MACF1: variants seen among roughly 807,000 people sequenced by gnomAD.
The protein encoded by MACF1 is microtubule actin crosslinking factor 1.
In MACF1, 193 loss-of-function variants were observed where a neutral mutation model predicts 854.8. The observed-to-expected ratio is 0.23, with a 90% CI of 0.20 to 0.25. The LOEUF (loss-of-function observed/expected upper bound fraction) is 0.25, where lower values mean the gene tolerates loss of function less well. Among genes scored for constraint, MACF1 ranks in the 10% least tolerant of loss-of-function variants. The probability of loss-of-function intolerance (pLI) is 1.00; values close to 1 mark genes in which losing one functional copy is unlikely to be tolerated. For missense variants in MACF1, 7,722 were observed against 8,929.1 expected (o/e 0.86, Z 5.45); for synonymous variants, 3,185 against 3,226.7 (o/e 0.99, Z 0.44).
Position 39,411,261 on chromosome 1 carries a change from T to C in MACF1, c.15817-11113T>C, listed in dbSNP as rs767594475. ...ATGAGCGATGGATTATGATGGAGGC[T>C]GAGGGAGAGTGGGAGGAAGAGAAAC... On this transcript the variant is annotated intron_variant, in intron 58 of 100. Transcript: ENST00000564288. The C allele has an allele frequency of 2.5e-6, 4 of 1,613,902 alleles. No individual in the cohort carries two copies. The South Asian group carries it at 4.4e-5, about 18-fold the overall frequency.
chr1:39,256,389 G>A (rs1285399788), intron 5 of MACF1, among the ~76,000 whole-genome samples: 3 of 152,118 alleles, frequency 2.0e-5, no homozygotes, highest in Admixed American at 1.3e-4. Context: ...TACTCCCACC[G>A]TATAGAAGAG....
In MACF1 at chr1:39,180,181, G is replaced by GA. The variant is rs200358710; in HGVS notation, c.221-50999dup. ...AGTATTTGTTATATAAATGCAGGAT[G>GA]AAGACTTATTATGATGGCTTTTCCT... On this transcript the variant is annotated intron_variant, in intron 2 of 93. Coordinates refer to the MACF1 transcript ENST00000361689. Among the ~76,000 whole-genome samples, 998 of 152,210 alleles carry GA rather than the reference G, an allele frequency of 6.6e-3. 11 individuals are homozygous for GA. Among genetic ancestry groups the GA allele is most frequent in the African/African-American group, 0.023 (945 of 41,526 alleles).
At chr1:39,462,449 A>G (rs1644573054) in intron 93 of MACF1, among the ~76,000 whole-genome samples, 1 of 152,054 alleles carries the variant, frequency 6.6e-6, no homozygotes, top group African/African-American at 2.4e-5. Flanking sequence ...TTACATCTGT[A>G]GCTCTAGCAC....
chr1:39,481,266 AATG>A (rs1259531552), intron 99 of MACF1, among the ~76,000 whole-genome samples: 5 of 152,206 alleles, frequency 3.3e-5, no homozygotes. Flanking sequence ...CAATCTTGAG[AATG>A]ATATTTGCTG....
intron 2 of MACF1, among the ~76,000 whole-genome samples, chr1:39,169,256 C>A (rs1342286656): frequency 3.3e-5 from 5 of 152,164 alleles, no homozygotes; most frequent in Non-Finnish European, 7.4e-5. Context: ...GAAGTAGCAG[C>A]TACTTTCCTA....
chr1:39,456,512 G>A (rs1017802615), intron 89 of MACF1, among the ~76,000 whole-genome samples: 3 of 152,192 alleles, frequency 2.0e-5, no homozygotes, highest in Non-Finnish European at 4.4e-5. Context: ...TAGTTTAGGT[G>A]TGTTATATTT....
chr1:39,451,925 C>G (rs1400882259), intron 85 of MACF1, among the ~76,000 whole-genome samples: 1 of 151,914 alleles, frequency 6.6e-6, no homozygotes, highest in Non-Finnish European at 1.5e-5. Flanking sequence ...CCAGACTGGT[C>G]TTGAACTCCT....
At chr1:39,419,798 A>AGTT (rs1643463272) in intron 58 of MACF1, among the ~76,000 whole-genome samples, 1 of 130,962 alleles carries the variant, frequency 7.6e-6, no homozygotes. Context: ...ATGCCTGGCT[A>AGTT]GTGTGTGTGT....
rs1557571535 is a variant in MACF1 at position 39,296,815 on chromosome 1, G to GA, written c.2356-803dup. On this transcript the variant is annotated intron_variant, in intron 20 of 100. Transcript: ENST00000564288. ...AAGGAAGGAAGGAAAAGAAAGAAAG[G>GA]AAGGAAGGAAGGAAGGAAGGAAGGA... is the stretch of plus-strand genomic sequence containing the variant. Among the ~76,000 whole-genome samples the GA allele has an allele frequency of 6.9e-4, 33 of 47,660 alleles. 1 individual carries two copies. Among genetic ancestry groups the GA allele is most frequent in the African/African-American group, 2.4e-3 (24 of 10,044 alleles). The allele number at this position is 47,660 out of a possible 152,430, so 31.3% of individuals were successfully genotyped here. A position where few individuals can be genotyped will look rare whatever the true frequency, so the allele number is the denominator to read the frequency against.
chr1:39,262,598 C>G (rs1645177051), intron 6 of MACF1, among the ~76,000 whole-genome samples: 1 of 152,034 alleles, frequency 6.6e-6, no homozygotes. Context: ...GCAGCAGTTA[C>G]TAGTAACAAC....
At chr1:39,369,895 T>G in intron 50 of MACF1, 135 bp from the exon 51 acceptor site, 1 of 761,356 alleles carries the variant, frequency 1.3e-6, no homozygotes, top group Non-Finnish European at 2.1e-6. Context: ...CAGCCAAACC[T>G]GCTATGGAAA....
At chr1:39,357,333 C>T in intron 44 of MACF1, 42 bp from the exon 45 acceptor site, 1 of 1,586,270 alleles carries the variant, frequency 6.3e-7, no homozygotes, top group Non-Finnish European at 8.6e-7. Context: ...TTGTGGATTG[C>T]CTACTGATTG....
intron 58 of MACF1, chr1:39,412,506 C>G (rs1256807689): frequency 1.2e-6 from 2 of 1,613,900 alleles, no homozygotes; most frequent in East Asian, 2.2e-5. Context: ...CAGAGCAGGT[C>G]TTCCAGGATC....
intron 2 of MACF1, among the ~76,000 whole-genome samples, chr1:39,134,442 C>T (rs574261394): frequency 1.3e-5 from 2 of 152,216 alleles, no homozygotes; most frequent in Non-Finnish European, 1.5e-5. Context: ...TGACCATGTG[C>T]CTTCTTGCTC....
intron 70 of MACF1, chr1:39,435,965 G>C: frequency 8.9e-6 from 5 of 564,106 alleles, no homozygotes; most frequent in Non-Finnish European, 1.2e-5. Flanking sequence ...AGTGAAATGA[G>C]TCTTGGCTGG....
At position 39,452,677 on chromosome 1, in the gene MACF1, A is replaced by G. The variant is rs1557662627; in HGVS notation, c.20614-7A>G. 1 of 1,612,564 alleles carries G rather than the reference A, an allele frequency of 6.2e-7. No homozygotes were observed. The highest frequency in any genetic ancestry group is 2.2e-5 in the East Asian group (1 of 44,880). On this transcript the variant is annotated splice_region_variant and splice_polypyrimidine_tract_variant and intron_variant, in intron 86 of 100. Transcript: ENST00000564288. ...GAGGTTGAATCTTTTGTGCTTGGTT[A>G]TTTCAGGCGGAAGTGTTTCGAGACA... is the stretch of plus-strand genomic sequence containing the variant.
At chr1:39,135,226 T>G (rs1185009515) in intron 2 of MACF1, among the ~76,000 whole-genome samples, 2 of 152,202 alleles carry the variant, frequency 1.3e-5, no homozygotes, top group African/African-American at 4.8e-5. Context: ...TGATTATTTT[T>G]GGGTTTTTTT....
intron 2 of MACF1, among the ~76,000 whole-genome samples, chr1:39,148,062 T>C (rs965026394): frequency 6.6e-6 from 1 of 152,226 alleles, no homozygotes; most frequent in Non-Finnish European, 1.5e-5. Context: ...ATGGTGTTCC[T>C]GCTTCTTTCC....
At position 39,370,062 on chromosome 1, in the gene MACF1, T is replaced by C. The variant is rs1218089725; in HGVS notation, c.12971T>C (p.Leu4324Ser). 1 of 1,613,878 alleles carries C rather than the reference T, an allele frequency of 6.2e-7. No individual in the cohort carries two copies. The highest frequency in any genetic ancestry group is 8.5e-7 in the Non-Finnish European group (1 of 1,179,934). ...GATGCATCATCTTGCCAGGAACAGT[T>C]GGATGAATTCCGGAAGCTGGTCAGG... ...EKDASSCQEQLDEFRKLVRTF... is the reference protein window; with the variant it reads ...EKDASSCQEQSDEFRKLVRTF... The change falls in exon 51 of 101, where the codon TTG becomes TCG. Residue 4324 changes from leucine to serine, a missense_variant. This residue lies in a region of MACF1 where 2,807 missense variants were observed against 3,235.8 expected (regional missense o/e 0.87). Coordinates refer to ENST00000564288, the MANE Select transcript of MACF1 (RefSeq NM_001394062.1).
Sources: allele counts gnomAD v4.1 joint callset (sites outside exome capture counted in the v4.1 genomes callset), GRCh38; gene constraint gnomAD v4.1.1; regional missense constraint gnomAD v4.1.1; transcripts MANE v1.5; gene names NCBI Gene and HGNC (gene_info 2026-07-23, HGNC 2026-07-21).